The following OR51E1 variants were observed in gnomAD, a reference collection of about 807,000 sequenced individuals.
OR51E1 encodes the protein olfactory receptor family 51 subfamily E member 1.
In OR51E1, 9 loss-of-function variants were observed where a neutral mutation model predicts 11.5. That is an observed-to-expected ratio of 0.78 (90% CI 0.47 to 1.37). The LOEUF (loss-of-function observed/expected upper bound fraction) is 1.37, where lower values mean the gene tolerates loss of function less well. Ranked by LOEUF, OR51E1 falls within the 40% of genes most tolerant of loss-of-function variation. The pLI, the probability that OR51E1 is intolerant of heterozygous loss-of-function variation, is 0.00. For missense variants in OR51E1, 397 were observed against 410.2 expected (o/e 0.97, Z 0.28); for synonymous variants, 168 against 158.3 (o/e 1.06, Z -0.46).
At chr11:4,650,066 G>A (rs1246218426) in intron 1 of OR51E1, among the ~76,000 whole-genome samples, 1 of 152,170 alleles carries the variant, frequency 6.6e-6, no homozygotes, top group Non-Finnish European at 1.5e-5. Context: ...AACATGGAGA[G>A]TTTGATGTAG....
intron 1 of OR51E1, among the ~76,000 whole-genome samples, chr11:4,648,892 G>T (rs144801896): frequency 8.4e-4 from 128 of 152,086 alleles, no homozygotes; most frequent in African/African-American, 2.9e-3. Context: ...AGCTCCTTTG[G>T]TAAGAAAGGA....
chr11:4,649,069 C>T (rs1264157396), intron 1 of OR51E1, among the ~76,000 whole-genome samples: 1 of 152,156 alleles, frequency 6.6e-6, no homozygotes, highest in African/African-American at 2.4e-5. Flanking sequence ...CTAAGAGACT[C>T]TCCTGTTGAT....
rs772931167 is a variant in OR51E1 at position 4,653,298 on chromosome 11, A to T, written c.772A>T (p.Ile258Phe). The T allele has an allele frequency of 2.2e-5, 36 of 1,613,946 alleles. No homozygotes were observed. In the Admixed American group the frequency reaches 2.7e-4, roughly 12 times the overall value. ...CAVFIFYVPF[I>F]GLSMVHRFSK... ...TGTGTTCATATTCTATGTACCTTTC[A>T]TTGGATTGTCCATGGTGCATCGCTT... is the stretch of plus-strand genomic sequence containing the variant. Residue 258 changes from isoleucine to phenylalanine, a missense_variant, in exon 2 of 2, where the codon ATT (isoleucine) becomes TTT (phenylalanine). By Grantham distance (21) the Ile-to-Phe change is conservative. Coordinates refer to ENST00000396952, the MANE Select transcript of OR51E1 (RefSeq NM_152430.4).
rs1399357327 is a variant in OR51E1, at chr11:4,653,411, A to C, written c.885A>C (p.Gly295=). The C allele has an allele frequency of 6.2e-7, 1 of 1,614,096 alleles. No individual in the cohort carries two copies. The highest frequency in any genetic ancestry group is 1.7e-5 in the Admixed American group (1 of 60,022). ...CTGTGCTCAACCCAATTGTCTATGG[A>C]GTGAAGACAAAGGAGATTCGACAGC... ...VPPVLNPIVY[G]VKTKEIRQRI... Residue 295 remains glycine (G), a synonymous_variant, in exon 2 of 2, where the codon GGA becomes GGC. Transcript: ENST00000396952.
Position 4,652,502 on chromosome 11 carries a change from G to C in OR51E1, c.-25G>C. 1 of 1,523,234 alleles carries C rather than the reference G, an allele frequency of 6.6e-7. No homozygotes were observed. Among genetic ancestry groups the C allele is most frequent in the South Asian group, 1.1e-5 (1 of 87,070 alleles). The allele number at this position is 1,523,234 out of a possible 1,614,324, so 94.4% of individuals were successfully genotyped here. ...TTGCATTCCAGCCTCTACCTGCCTG[G>C]TGCTGGTCACAGTTCAGCTTCTTCA... On this transcript the variant is annotated 5_prime_UTR_variant, in exon 2 of 2. Transcript: ENST00000396952.
chr11:4,652,195 T>TAGC (rs1343661417), intron 1 of OR51E1, among the ~76,000 whole-genome samples: 2 of 152,244 alleles, frequency 1.3e-5, no homozygotes, highest in African/African-American at 4.8e-5. Flanking sequence ...ATTCAGCCAG[T>TAGC]AGCCTTTCTT....
chr11:4,646,336 C>T (rs1217082711), intron 1 of OR51E1, among the ~76,000 whole-genome samples: 1 of 152,114 alleles, frequency 6.6e-6, no homozygotes, highest in African/African-American at 2.4e-5. Flanking sequence ...TGTCCTGAGT[C>T]CGAGAGGGGC....
At chr11:4,652,002 TG>T (rs1311298588) in intron 1 of OR51E1, among the ~76,000 whole-genome samples, 1 of 152,222 alleles carries the variant, frequency 6.6e-6, no homozygotes, top group African/African-American at 2.4e-5. Context: ...AGATTAATGC[TG>T]GGGTTAGGTT....
In OR51E1 at chr11:4,652,699, T is replaced by C; in HGVS notation, c.173T>C (p.Leu58Pro). 6.2e-7 allele frequency: 1 copy of C among 1,614,178 alleles called. No individual in the cohort carries two copies. The highest frequency in any genetic ancestry group is 1.1e-5 in the South Asian group (1 of 91,084). The change falls in exon 2 of 2, where the codon CTG (leucine) becomes CCG (proline). Residue 58 changes from leucine (L) to proline (P), a missense_variant. Leu to Pro is a moderately conservative substitution (Grantham distance 98). Coordinates refer to ENST00000396952, the MANE Select transcript of OR51E1 (RefSeq NM_152430.4). ...TACATTGTGCGGACTGAGCACAGCC[T>C]GCATGAGCCCATGTATATATTTCTT... is the stretch of plus-strand genomic sequence containing the variant. The part of the protein sequence containing the change: ...IIYIVRTEHS[L>P]HEPMYIFLCM...
At chr11:4,648,745 C>T (rs1289117773) in intron 1 of OR51E1, among the ~76,000 whole-genome samples, 1 of 152,114 alleles carries the variant, frequency 6.6e-6, no homozygotes, top group African/African-American at 2.4e-5. Flanking sequence ...AACCTTCTTG[C>T]CAGTGTTTCC....
intron 1 of OR51E1, among the ~76,000 whole-genome samples, chr11:4,647,984 G>A (rs1384454203): frequency 1.3e-5 from 2 of 152,148 alleles, no homozygotes; most frequent in African/African-American, 4.8e-5. Flanking sequence ...AGGCCACCTG[G>A]AAGTCATCTG....
At chr11:4,651,656 A>G (rs1847100208) in intron 1 of OR51E1, among the ~76,000 whole-genome samples, 1 of 152,224 alleles carries the variant, frequency 6.6e-6, no homozygotes, top group African/African-American at 2.4e-5. Flanking sequence ...TGCTCAGTGC[A>G]GATGGGAGAT....
chr11:4,647,762 T>A, intron 1 of OR51E1, among the ~76,000 whole-genome samples: 1 of 152,166 alleles, frequency 6.6e-6, no homozygotes, highest in East Asian at 1.9e-4. Context: ...TCCTGGAACT[T>A]GCTAAGATAG....
chr11:4,648,670 C>T (rs760120560), intron 1 of OR51E1, among the ~76,000 whole-genome samples: 2 of 152,164 alleles, frequency 1.3e-5, no homozygotes, highest in Non-Finnish European at 2.9e-5. Context: ...TATCAACCTG[C>T]TCTGCCATAT....
At chr11:4,652,404 T>C (rs994377247) in intron 1 of OR51E1, 84 bp from the exon 2 acceptor site, 2 of 658,332 alleles carry the variant, frequency 3.0e-6, no homozygotes, top group Non-Finnish European at 2.7e-6. Context: ...GAGTTTGAGT[T>C]AGAGAACAGT....
At position 4,653,205 on chromosome 11, in the gene OR51E1, A is replaced by T. The variant is rs753374872; in HGVS notation, c.679A>T (p.Thr227Ser). The T allele has an allele frequency of 8.7e-6, 14 of 1,613,836 alleles. No homozygotes were observed. The highest frequency in any genetic ancestry group is 2.2e-5 in the East Asian group (1 of 44,888). Residue 227 changes from threonine to serine, a missense_variant, in exon 2 of 2, where the codon ACT (threonine) becomes TCT (serine). Thr to Ser is a moderately conservative substitution (Grantham distance 58). Coordinates refer to ENST00000396952, the MANE Select transcript of OR51E1 (RefSeq NM_152430.4). The stretch of plus-strand genomic sequence containing the variant: ...CTTCTCATATCTGCTTATTCTTAAG[A>T]CTGTGTTGGGCTTGACACGTGAAGC... Reference protein sequence around the residue: ...ISFSYLLILKTVLGLTREAQA... With the variant: ...ISFSYLLILKSVLGLTREAQA...
rs1286384484 is a variant in OR51E1 at position 4,653,288 on chromosome 11, T to C, written c.762T>C (p.Tyr254=). 3 of 1,614,220 alleles carry C rather than the reference T, an allele frequency of 1.9e-6. No individual in the cohort carries two copies. Among genetic ancestry groups the C allele is most frequent in the Non-Finnish European group, 1.7e-6 (2 of 1,180,036 alleles). The change falls in exon 2 of 2, where the codon TAT becomes TAC. Residue 254 remains tyrosine (Y), a synonymous_variant. Coordinates refer to ENST00000396952, the MANE Select transcript of OR51E1 (RefSeq NM_152430.4). ...ATGTGTGTGCTGTGTTCATATTCTA[T>C]GTACCTTTCATTGGATTGTCCATGG... ...VSHVCAVFIF[Y]VPFIGLSMVH...
chr11:4,654,133 T>C lies in OR51E1; in HGVS notation c.*650T>C, dbSNP rs1184048799. 6.0e-6 allele frequency: 1 copy of C among 167,012 alleles called. No homozygotes were observed. Among genetic ancestry groups the C allele is most frequent in the African/African-American group, 2.4e-5 (1 of 41,438 alleles). 10.3% of individuals were successfully genotyped at this position (167,012 alleles called of 1,614,324 possible). ...TATCAACCCTTTAATTAGGCAAAGA[T>C]ATTATTAGTACCCTCATTGTAGCCA... On this transcript the variant is annotated 3_prime_UTR_variant, in exon 2 of 2. Coordinates refer to ENST00000396952, the MANE Select transcript of OR51E1 (RefSeq NM_152430.4).
chr11:4,653,190 C>T lies in OR51E1; in HGVS notation c.664C>T (p.Leu222=), dbSNP rs1847125826. Residue 222 remains leucine, a synonymous_variant, in exon 2 of 2, where the codon CTG becomes TTG. Transcript: ENST00000396952. ...LDSLLISFSY[L]LILKTVLGLT... ...CTCACTTCTCATCTCCTTCTCATATCTGCTTATTCTTAAGACTGTGTTGGG... is the reference window on the plus strand; with the variant it reads ...CTCACTTCTCATCTCCTTCTCATATTTGCTTATTCTTAAGACTGTGTTGGG... 1 of 1,614,102 alleles carries T rather than the reference C, an allele frequency of 6.2e-7. No individual in the cohort carries two copies. Among genetic ancestry groups the T allele is most frequent in the Non-Finnish European group, 8.5e-7 (1 of 1,179,954 alleles).
Sources: allele counts gnomAD v4.1 joint callset (sites outside exome capture counted in the v4.1 genomes callset), GRCh38; gene constraint gnomAD v4.1.1; transcripts MANE v1.5; gene names NCBI Gene and HGNC (gene_info 2026-07-23, HGNC 2026-07-21).